CDC42BPB: variants seen among roughly 807,000 people sequenced by gnomAD.
CDC42BPB encodes CDC42 binding protein kinase beta, also known as serine/threonine-protein kinase MRCK beta.
Under a neutral mutation model 214.9 loss-of-function variants are expected in CDC42BPB, and 37 were observed. The ratio of observed to expected loss-of-function variants is 0.17; its 90% CI spans 0.13 to 0.23. The LOEUF (loss-of-function observed/expected upper bound fraction) is 0.23, where lower values mean the gene tolerates loss of function less well. Among genes scored for constraint, CDC42BPB ranks in the 10% least tolerant of loss-of-function variants. The pLI is 1.00. For synonymous variants in CDC42BPB, 931 were observed against 884.0 expected (o/e 1.05, Z -0.94); for missense variants, 1,694 against 2,227.0 (o/e 0.76, Z 4.82).
At position 103,057,004 on chromosome 14, in the gene CDC42BPB, T is replaced by C; in HGVS notation, c.170A>G (p.Glu57Gly). 1 of 1,462,048 alleles carries C rather than the reference T, an allele frequency of 6.8e-7. No homozygotes were observed. The allele number at this position is 1,462,048 out of a possible 1,614,324, so 90.6% of individuals were successfully genotyped here. A position where few individuals can be genotyped will look rare whatever the true frequency, so the allele number is the denominator to read the frequency against. ...CCCTGCCGGCGCGCACTTACCCCAC[T>C]CGAGGAACTCGGCCACGTACTTGTC... Reference protein sequence around the residue: ...RRDKYVAEFLEWAKPFTQLVK... With the variant: ...RRDKYVAEFLGWAKPFTQLVK... Residue 57 changes from glutamate to glycine, a missense_variant, in exon 1 of 37, where the codon GAG (glutamate) becomes GGG (glycine). Coordinates refer to ENST00000361246, the MANE Select transcript of CDC42BPB (RefSeq NM_006035.4).
At chr14:102,977,230 T>A (rs1893789513) in intron 9 of CDC42BPB, among the ~76,000 whole-genome samples, 1 of 150,508 alleles carries the variant, frequency 6.6e-6, no homozygotes, top group Non-Finnish European at 1.5e-5. Flanking sequence ...TCCCAGCTAC[T>A]CAGGAGGCTG....
chr14:102,961,532 C>CG (rs964759631), intron 20 of CDC42BPB, among the ~76,000 whole-genome samples: 2 of 149,606 alleles, frequency 1.3e-5, no homozygotes, highest in African/African-American at 4.9e-5. Flanking sequence ...ATGGCAAAAC[C>CG]CCCCCCACTT....
chr14:102,980,462 C>CAGCCTGGCGACAGAGCA (rs945805435), intron 8 of CDC42BPB, among the ~76,000 whole-genome samples: 1 of 151,830 alleles, frequency 6.6e-6, no homozygotes, highest in Non-Finnish European at 1.5e-5. Context: ...CACTGCACTC[C>CAGCCTGGCGACAGAGCA]AGCCTGGCGA....
At chr14:103,041,342 T>C (rs906361404) in intron 1 of CDC42BPB, 3 of 474,518 alleles carry the variant, frequency 6.3e-6, no homozygotes, top group African/African-American at 5.9e-5. Flanking sequence ...AACACATGTA[T>C]AAAAGAAAAC....
intron 29 of CDC42BPB, chr14:102,945,418 G>T (rs1892112704): frequency 1.8e-6 from 1 of 553,584 alleles, no homozygotes; most frequent in Non-Finnish European, 3.3e-6. Flanking sequence ...TCCTCCCAGG[G>T]GGCTTTCCTT....
intron 16 of CDC42BPB, among the ~76,000 whole-genome samples, chr14:102,967,994 C>G (rs1021911522): frequency 6.6e-6 from 1 of 151,794 alleles, no homozygotes; most frequent in African/African-American, 2.4e-5. Context: ...ACTTGGGAGG[C>G]TGAGGTGGGA....
At chr14:103,006,015 CAAAAAAAA>C (rs1172933917) in intron 3 of CDC42BPB, among the ~76,000 whole-genome samples, 2 of 58,136 alleles carry the variant, frequency 3.4e-5, no homozygotes, top group African/African-American at 1.1e-4. Context: ...AGAGACGTCT[CAAAAAAAA>C]AAAAAAAAAA....
intron 1 of CDC42BPB, among the ~76,000 whole-genome samples, chr14:103,054,765 A>G (rs1200626049): frequency 6.6e-6 from 1 of 152,274 alleles, no homozygotes; most frequent in Non-Finnish European, 1.5e-5. Context: ...TGTAGTTTGT[A>G]ATCACAATTT....
At chr14:102,978,027 A>G (rs889238823) in intron 9 of CDC42BPB, 99 bp downstream of exon 9, 1 of 891,004 alleles carries the variant, frequency 1.1e-6, no homozygotes, top group African/African-American at 1.7e-5. Context: ...CAGCGCACAC[A>G]CCACCCACTA....
chr14:102,954,304 C>A, intron 22 of CDC42BPB, 29 bp from the exon 23 acceptor site: 2 of 1,488,060 alleles, frequency 1.3e-6, no homozygotes, highest in South Asian at 1.3e-5. Context: ...AGGTGAGTGT[C>A]GGCCCAGCTC....
At position 102,999,665 on chromosome 14, in the gene CDC42BPB, T is replaced by C; in HGVS notation, c.496A>G (p.Ser166Gly). The part of the protein sequence containing the change: ...YVGGDLLTLL[S>G]KFEDKLPEDM... ...TCCGGAAGCTTGTCTTCAAATTTGC[T>C]GAGCAGGGTCAGTAAATCACCACCC... The change falls in exon 5 of 37, where the codon AGC (serine) becomes GGC (glycine). Residue 166 changes from serine (S) to glycine (G), a missense_variant. Transcript: ENST00000361246. 6.2e-7 allele frequency: 1 copy of C among 1,614,232 alleles called. No individual in the cohort carries two copies. Among genetic ancestry groups the C allele is most frequent in the Non-Finnish European group, 8.5e-7 (1 of 1,180,038 alleles).
Position 103,004,106 on chromosome 14 carries a change from G to C in CDC42BPB, c.352-83C>G. 1 of 1,450,404 alleles carries C rather than the reference G, an allele frequency of 6.9e-7. No homozygotes were observed. The highest frequency in any genetic ancestry group is 1.4e-5 in the South Asian group (1 of 72,592). The allele number at this position is 1,450,404 out of a possible 1,614,324, so 89.8% of individuals were successfully genotyped here. On this transcript the variant is annotated intron_variant, in intron 3 of 36. Coordinates refer to ENST00000361246, the MANE Select transcript of CDC42BPB (RefSeq NM_006035.4). This position sits in a 1 kb window ranked among gnomAD's most constrained non-coding sequence, Gnocchi z 5.3. ...ACTGCCGGTCTCGGGGTCCCTCCTGGGACAGTGGCTCCAGCCACGGTGTCC... is the reference window on the plus strand; with the variant it reads ...ACTGCCGGTCTCGGGGTCCCTCCTGCGACAGTGGCTCCAGCCACGGTGTCC...
chr14:103,014,872 C>CA (rs1320146004), intron 1 of CDC42BPB, among the ~76,000 whole-genome samples: 1 of 151,902 alleles, frequency 6.6e-6, no homozygotes, highest in East Asian at 1.9e-4. Flanking sequence ...CAAAACAAAA[C>CA]AAAAAACAGT....
At chr14:103,020,994 C>T (rs1307188063) in intron 1 of CDC42BPB, among the ~76,000 whole-genome samples, 2 of 152,240 alleles carry the variant, frequency 1.3e-5, no homozygotes, top group Non-Finnish European at 2.9e-5. Context: ...AGAAAAGTGA[C>T]TCTTCCCACA....
intron 5 of CDC42BPB, among the ~76,000 whole-genome samples, chr14:102,992,782 AATAT>A (rs532840255): frequency 1.3e-5 from 2 of 148,382 alleles, no homozygotes; most frequent in Non-Finnish European, 3.0e-5. Context: ...ATATATTAAA[AATAT>A]ATATATTCAA....
intron 1 of CDC42BPB, among the ~76,000 whole-genome samples, chr14:103,053,635 G>T (rs866082806): frequency 6.6e-6 from 1 of 150,494 alleles, no homozygotes; most frequent in Admixed American, 6.6e-5. Context: ...GATGGCGGGC[G>T]CCTGTAGTCC....
At chr14:102,946,837 C>CT in intron 27 of CDC42BPB, 153 bp from the exon 28 acceptor site, 1 of 985,444 alleles carries the variant, frequency 1.0e-6, no homozygotes, top group South Asian at 4.7e-5. Context: ...CGCTGGGCGC[C>CT]TTGCAGAGGC....
chr14:103,033,223 GT>G (rs904569326), intron 1 of CDC42BPB, among the ~76,000 whole-genome samples: 2 of 151,570 alleles, frequency 1.3e-5, no homozygotes, highest in Non-Finnish European at 2.9e-5. Flanking sequence ...TTTTATTTTT[GT>G]TTTTTTGTTT....
rs190056111 is a variant in CDC42BPB, at chr14:103,002,577, C to T, written c.447+1351G>A. On this transcript the variant is annotated intron_variant, in intron 4 of 36. Coordinates refer to ENST00000361246, the MANE Select transcript of CDC42BPB (RefSeq NM_006035.4). ...GTGGAAATGAACTGGAGACAGTCCA[C>T]CGGGGTCCTGGGAGCAGGGACACTG... Among the ~76,000 whole-genome samples the T allele has an allele frequency of 1.6e-3, 246 of 152,312 alleles. 2 individuals carry two copies. The highest frequency in any genetic ancestry group is 5.7e-3 in the African/African-American group (238 of 41,576).
Sources: gnomAD v4.1 joint callset for allele counts (sites outside exome capture counted in the v4.1 genomes callset) on GRCh38, gnomAD v4.1.1 for gene constraint, Gnocchi (gnomAD v3.1) non-coding constraint, MANE v1.5 for transcripts, NCBI Gene and HGNC (gene_info 2026-07-23, HGNC 2026-07-21) for gene names.